Variants in HOMER2 observed in about 807,000 individuals in gnomAD.
The protein encoded by HOMER2 is homer scaffold protein 2, also known as homer protein homolog 2.
In HOMER2, 27 loss-of-function variants were observed where a neutral mutation model predicts 47.0. The observed-to-expected ratio is 0.57, with a 90% CI of 0.42 to 0.79. The LOEUF is 0.79. Among genes scored for constraint, HOMER2 ranks in the 30% least tolerant of loss-of-function variants. The probability of loss-of-function intolerance (pLI) is 0.00; values close to 1 mark genes in which losing one functional copy is unlikely to be tolerated. For missense variants in HOMER2, 443 were observed against 435.0 expected (o/e 1.02, Z -0.16); for synonymous variants, 161 against 163.8 (o/e 0.98, Z 0.13).
intron 1 of HOMER2, among the ~76,000 whole-genome samples, chr15:82,981,999 T>G (rs2030412294): frequency 6.6e-6 from 1 of 152,326 alleles, no homozygotes; most frequent in South Asian, 2.1e-4. Flanking sequence ...AAAATGGTAA[T>G]TTTTATGTTA....
chr15:82,851,313 C>A, intron 7 of HOMER2, 82 bp from the exon 8 acceptor site: 1 of 939,500 alleles, frequency 1.1e-6, no homozygotes, highest in South Asian at 1.4e-5. Flanking sequence ...TGTGCACGCT[C>A]GTGGAAGCAG....
At chr15:82,901,449 T>C (rs916279932) in intron 1 of HOMER2, among the ~76,000 whole-genome samples, 4 of 152,140 alleles carry the variant, frequency 2.6e-5, no homozygotes, top group African/African-American at 9.7e-5. Context: ...TGCCATCCTA[T>C]GTTCAAACAG....
At chr15:82,837,205 T>C (rs1459585638) in exon 2 of HOMER2, 1 of 152,212 alleles carries the variant, frequency 6.6e-6, no homozygotes, top group Non-Finnish European at 1.5e-5. Context: ...AAGGAAAGGT[T>C]CTCTGCTGCT....
intron 1 of HOMER2, among the ~76,000 whole-genome samples, chr15:82,971,465 TGAG>T (rs1341950429): frequency 6.6e-6 from 1 of 151,888 alleles, no homozygotes; most frequent in Non-Finnish European, 1.5e-5. Context: ...CAGAAGCTGT[TGAG>T]GAGGCAGAGC....
chr15:82,982,564 A>C (rs2030430297), intron 1 of HOMER2, among the ~76,000 whole-genome samples: 1 of 152,200 alleles, frequency 6.6e-6, no homozygotes, highest in Non-Finnish European at 1.5e-5. Flanking sequence ...TGAAAATCTG[A>C]AATCCAAAAT....
chr15:82,952,488 T>C (rs986260227), intron 1 of HOMER2, 43 bp downstream of exon 1: 32 of 1,175,210 alleles, frequency 2.7e-5, no homozygotes, highest in Non-Finnish European at 3.3e-5. Context: ...CCGCAGTCCC[T>C]CCGGAGGGGC....
At chr15:82,856,002 C>T (rs1262154005) in intron 5 of HOMER2, among the ~76,000 whole-genome samples, 6 of 152,084 alleles carry the variant, frequency 3.9e-5, no homozygotes, top group African/African-American at 1.4e-4. Flanking sequence ...TCTAAAGGCT[C>T]TTCCTAATTT....
At chr15:82,903,392 C>G (rs2053189344) in intron 1 of HOMER2, among the ~76,000 whole-genome samples, 1 of 151,982 alleles carries the variant, frequency 6.6e-6, no homozygotes. Flanking sequence ...GTGGGCGGAT[C>G]ACCTGAGGTC....
intron 6 of HOMER2, among the ~76,000 whole-genome samples, chr15:82,853,904 A>G (rs2051479795): frequency 1.3e-5 from 2 of 152,194 alleles, no homozygotes; most frequent in Non-Finnish European, 2.9e-5. Flanking sequence ...TTTAGAAACA[A>G]TAATGTGAAT....
chr15:82,875,223 G>A, intron 3 of HOMER2, 50 bp downstream of exon 3: 2 of 1,598,942 alleles, frequency 1.3e-6, no homozygotes, highest in Non-Finnish European at 1.7e-6. Flanking sequence ...TCACTGATGA[G>A]AATGGCATCT....
At chr15:82,864,135 A>C (rs1373023230) in intron 4 of HOMER2, 32 bp downstream of exon 4, 1 of 1,420,918 alleles carries the variant, frequency 7.0e-7, no homozygotes, top group Non-Finnish European at 9.8e-7. Context: ...CACCAACCCC[A>C]CTGGGATTTA....
chr15:82,910,040 G>A (rs1300369846), intron 1 of HOMER2, among the ~76,000 whole-genome samples: 2 of 149,268 alleles, frequency 1.3e-5, no homozygotes, highest in Non-Finnish European at 3.0e-5. Context: ...GGCTGAGGCA[G>A]GAGAATCGCT....
intron 1 of HOMER2, among the ~76,000 whole-genome samples, chr15:82,963,172 A>T (rs1202484723): frequency 6.6e-6 from 1 of 152,054 alleles, no homozygotes; most frequent in Non-Finnish European, 1.5e-5. Context: ...GCAGCCTTGA[A>T]CACCTGGGCT....
At chr15:82,951,024 T>C (rs2054494648) in intron 1 of HOMER2, among the ~76,000 whole-genome samples, 1 of 152,140 alleles carries the variant, frequency 6.6e-6, no homozygotes, top group African/African-American at 2.4e-5. Context: ...CCAACTCCTT[T>C]TTCCCTGTAC....
downstream of HOMER2, chr15:82,846,866 C>T (rs2151589270): frequency 6.6e-6 from 1 of 152,390 alleles, no homozygotes; most frequent in Non-Finnish European, 1.5e-5. Context: ...CCACTCCCAA[C>T]TTTAAAATGC....
At chr15:82,977,979 G>A (rs1356400495) in intron 1 of HOMER2, among the ~76,000 whole-genome samples, 3 of 152,170 alleles carry the variant, frequency 2.0e-5, no homozygotes, top group South Asian at 2.1e-4. Flanking sequence ...GTGAAACCCC[G>A]TCTCTACTAA....
chr15:82,974,214 G>C (rs540481999), intron 1 of HOMER2, among the ~76,000 whole-genome samples: 1 of 151,918 alleles, frequency 6.6e-6, no homozygotes, highest in African/African-American at 2.4e-5. Flanking sequence ...AGACCAGCAT[G>C]ACCAACATGG....
At chr15:82,845,979 C>T (rs2051241558), downstream of HOMER2, 4 of 152,308 alleles carry the variant, frequency 2.6e-5, no homozygotes, top group Non-Finnish European at 4.4e-5. Context: ...CTGCCCACCA[C>T]CATCAAGGCT....
downstream of HOMER2, among the ~76,000 whole-genome samples, chr15:82,836,442 A>C (rs542563816): frequency 1.1e-4 from 17 of 152,316 alleles, no homozygotes; most frequent in South Asian, 3.5e-3. Context: ...GTCCAGCAAT[A>C]CCATGCTGCT....
Sources: gnomAD v4.1 joint callset for allele counts (sites outside exome capture counted in the v4.1 genomes callset) on GRCh38, gnomAD v4.1.1 for gene constraint, MANE v1.5 for transcripts, NCBI Gene and HGNC (gene_info 2026-07-23, HGNC 2026-07-21) for gene names.